NLRP8: variants seen among roughly 807,000 people sequenced by gnomAD.
The protein encoded by NLRP8 is NACHT, LRR and PYD domains-containing protein 8.
A neutral mutation model predicts 88.7 loss-of-function variants in NLRP8; 86 were observed. The observed-to-expected ratio is 0.97, with a 90% confidence interval of 0.81 to 1.16. NLRP8 has a LOEUF of 1.16. Among genes scored for constraint, NLRP8 ranks in the 50% most tolerant of loss-of-function variants. The pLI is 0.00. For synonymous variants in NLRP8, 504 were observed against 494.6 expected, an observed-to-expected ratio of 1.02 and a Z score of -0.25; for missense variants, 1,342 against 1,286.5, an observed-to-expected ratio of 1.04 and a Z score of -0.66.
rs1342300507 is a variant in NLRP8, at chr19:55,955,450, C to G, written c.1392C>G (p.His464Gln). Residue 464 changes from histidine (H) to glutamine (Q), a missense_variant, in exon 3 of 10, where the codon CAC becomes CAG. Coordinates refer to ENST00000291971, the MANE Select transcript of NLRP8 (RefSeq NM_176811.2). The stretch of plus-strand genomic sequence containing the variant: ...ACTTGGCCGCAGACAGCATGTGGCA[C>G]AGGAAATGGGTGTTAGGTAAAGAAG... 1.9e-6 allele frequency: 3 copies of G among 1,614,070 alleles called. No individual in the cohort carries two copies. The highest frequency in any genetic ancestry group is 1.3e-5 in the African/African-American group (1 of 74,932).
At chr19:55,971,489 G>A (rs1600310080) in intron 6 of NLRP8, among the ~76,000 whole-genome samples, 1 of 149,624 alleles carries the variant, frequency 6.7e-6, no homozygotes, top group East Asian at 2.0e-4. Flanking sequence ...CACCTGTGAT[G>A]TGTTTTTTCC....
At chr19:55,952,302 G>C (rs1018784055) in intron 1 of NLRP8, among the ~76,000 whole-genome samples, 1 of 152,104 alleles carries the variant, frequency 6.6e-6, no homozygotes, top group African/African-American at 2.4e-5. Flanking sequence ...TTTATAACAT[G>C]TTTTTGAACA....
At chr19:55,963,317 A>G (rs557483053) in intron 4 of NLRP8, among the ~76,000 whole-genome samples, 2 of 152,244 alleles carry the variant, frequency 1.3e-5, no homozygotes, top group South Asian at 2.1e-4. Flanking sequence ...CCCAGCCCCC[A>G]TTTTTTAGCA....
chr19:55,959,036 G>A (rs575230175), intron 3 of NLRP8, among the ~76,000 whole-genome samples: 1 of 150,390 alleles, frequency 6.6e-6, no homozygotes, highest in Non-Finnish European at 1.5e-5. Flanking sequence ...CCGCCAACAC[G>A]CCAAGCTAAT....
rs566477522 is a variant in NLRP8, at chr19:55,988,077, G to A, written c.*164G>A. ...CAGCTTTGAACCCTGGAGTGAGGACGGTGATGCCCTGTGTGTATTAATATG... is the reference window on the plus strand; with the variant it reads ...CAGCTTTGAACCCTGGAGTGAGGACAGTGATGCCCTGTGTGTATTAATATG... On this transcript the variant is annotated 3_prime_UTR_variant, in exon 10 of 10. Transcript: ENST00000291971. 4.5e-5 allele frequency: 27 copies of A among 600,888 alleles called. No individual in the cohort carries two copies. The highest frequency in any genetic ancestry group is 7.3e-5 in the Non-Finnish European group (24 of 330,694). 37.2% of individuals were successfully genotyped at this position (600,888 alleles called of 1,614,324 possible). A position where few individuals can be genotyped will look rare whatever the true frequency, so the allele number is the denominator to read the frequency against.
At position 55,955,349 on chromosome 19, in the gene NLRP8, A is replaced by G; in HGVS notation, c.1291A>G (p.Ile431Val). Residue 431 changes from isoleucine (I) to valine (V), a missense_variant, in exon 3 of 10, where the codon ATT (isoleucine) becomes GTT (valine). Transcript: ENST00000291971. ...TGCCACCTCTGTGTTCGTCCGGTAT[A>G]TTTCTAGCTTGTTTCCCACCAGAGC... 2 of 1,614,146 alleles carry G rather than the reference A, an allele frequency of 1.2e-6. No individual in the cohort carries two copies. The highest frequency in any genetic ancestry group is 1.7e-5 in the Admixed American group (1 of 60,014).
rs757104650 is a variant in NLRP8 at position 55,955,984 on chromosome 19, T to C, written c.1926T>C (p.Val642=). ...TGAGAATTGGCAACAACAAAGAAGT[T>C]CAAGTGTCTGCTTTTTGCCTGAAGC... The change falls in exon 3 of 10, where the codon GTT becomes GTC. Residue 642 remains valine, a synonymous_variant. Transcript: ENST00000291971. 16 of 1,614,030 alleles carry C rather than the reference T, an allele frequency of 9.9e-6. No individual in the cohort carries two copies. The East Asian group carries it at 3.6e-4, about 36-fold the overall frequency.
At chr19:55,948,381 G>T (rs1450232218) in intron 1 of NLRP8, 112 bp downstream of exon 1, 1 of 1,143,098 alleles carries the variant, frequency 8.7e-7, no homozygotes, top group East Asian at 2.4e-5. Flanking sequence ...AAAGCAAACA[G>T]TGGAGGAAGA....
chr19:55,961,548 C>A (rs924851184), intron 3 of NLRP8, among the ~76,000 whole-genome samples: 8 of 152,098 alleles, frequency 5.3e-5, no homozygotes, highest in Admixed American at 4.6e-4. Context: ...ACACCTGTAA[C>A]CCTAGCACTT....
intron 1 of NLRP8, among the ~76,000 whole-genome samples, chr19:55,951,216 C>G (rs1760997783): frequency 6.6e-6 from 1 of 152,178 alleles, no homozygotes; most frequent in African/African-American, 2.4e-5. Context: ...TTCCTTCAGG[C>G]AGGATTTATC....
chr19:55,975,341 G>C (rs983613881), intron 7 of NLRP8, among the ~76,000 whole-genome samples: 1 of 152,202 alleles, frequency 6.6e-6, no homozygotes, highest in Non-Finnish European at 1.5e-5. Context: ...GCAGGGAACG[G>C]TGCCACTGCT....
rs748095124 is a variant in NLRP8 at position 55,966,220 on chromosome 19, C to T, written c.2221C>T (p.Arg741Cys). Residue 741 changes from arginine to cysteine, a missense_variant, in exon 5 of 10, where the codon CGT becomes TGT. By Grantham distance (180) the Arg-to-Cys change is radical. Transcript: ENST00000291971. ...ACGCTCTTCCCTCTCCAGCCTAAGG[C>T]GTGTGAATAGCACCATGTTGAACCA... 5.0e-6 allele frequency: 8 copies of T among 1,613,758 alleles called. No individual in the cohort carries two copies. Among genetic ancestry groups the T allele is most frequent in the East Asian group, 4.5e-5 (2 of 44,884 alleles).
chr19:55,978,769 G>A (rs917785442), intron 8 of NLRP8, among the ~76,000 whole-genome samples: 2 of 152,094 alleles, frequency 1.3e-5, no homozygotes, highest in Admixed American at 6.6e-5. Context: ...CTTATAGAAG[G>A]ATTTGAGCTG....
Position 55,986,473 on chromosome 19 carries a change from T to TACACACACACACACACACAC in NLRP8, c.3048-1324_3048-1305dup, listed in dbSNP as rs896816246. On this transcript the variant is annotated intron_variant, in intron 9 of 9. Transcript: ENST00000291971. ...TCTCTCACACACACACTCTCTCACA[T>TACACACACACACACACACAC]ACACACACACACACACACACACACA... Among the ~76,000 whole-genome samples, 5 of 72,494 alleles carry TACACACACACACACACACAC rather than the reference T, an allele frequency of 6.9e-5. No homozygotes were observed. In the East Asian group the frequency reaches 1.3e-3, roughly 19 times the overall value. The allele number at this position is 72,494 out of a possible 152,430, so 47.6% of individuals were successfully genotyped here.
At position 55,956,071 on chromosome 19, in the gene NLRP8, G is replaced by A. The variant is rs1600299732; in HGVS notation, c.2013G>A (p.Lys671=). ...CCCTGAACTTCATGAACGTGTGGAA[G>A]CTCAGCTCCAGCTCCCATCCTGGCT... The change falls in exon 3 of 10, where the codon AAG becomes AAA. Residue 671 remains lysine (K), a synonymous_variant. Coordinates refer to ENST00000291971, the MANE Select transcript of NLRP8 (RefSeq NM_176811.2). The A allele has an allele frequency of 1.2e-6, 2 of 1,613,670 alleles. No homozygotes were observed. Among genetic ancestry groups the A allele is most frequent in the South Asian group, 2.2e-5 (2 of 90,998 alleles).
chr19:55,976,253 C>T lies in NLRP8; in HGVS notation c.2826C>T (p.Ile942=), dbSNP rs61734100. ...ATAGCCTGAAGGATGATGGGGTGAT[C>T]CTGCTGTGTGAGGCCCTGAAGAACC... The change falls in exon 8 of 10, where the codon ATC becomes ATT. Residue 942 remains isoleucine, a synonymous_variant. Transcript: ENST00000291971. 1 of 1,613,514 alleles carries T rather than the reference C, an allele frequency of 6.2e-7. No homozygotes were observed. Among genetic ancestry groups the T allele is most frequent in the South Asian group, 1.1e-5 (1 of 90,948 alleles).
intron 9 of NLRP8, among the ~76,000 whole-genome samples, chr19:55,981,106 G>T (rs1038182295): frequency 6.6e-6 from 1 of 152,168 alleles, no homozygotes; most frequent in Non-Finnish European, 1.5e-5. Context: ...AGACTGGAGG[G>T]CCCTGTAGTG....
chr19:55,985,552 C>G (rs1443363077), intron 9 of NLRP8, among the ~76,000 whole-genome samples: 1 of 152,078 alleles, frequency 6.6e-6, no homozygotes, highest in East Asian at 1.9e-4. Context: ...AAGAAAAAAT[C>G]TGAATTCCTA....
intron 5 of NLRP8, among the ~76,000 whole-genome samples, chr19:55,969,470 T>C (rs571220791): frequency 1.3e-5 from 2 of 152,358 alleles, no homozygotes; most frequent in East Asian, 1.9e-4. Flanking sequence ...TATTCCATGG[T>C]GTGTCTATAC....
Sources: gnomAD v4.1 joint callset for allele counts (sites outside exome capture counted in the v4.1 genomes callset) on GRCh38, gnomAD v4.1.1 for gene constraint, MANE v1.5 for transcripts, NCBI Gene and HGNC (gene_info 2026-07-23, HGNC 2026-07-21) for gene names.